The following CDHR1 variants were observed in gnomAD, a reference collection of about 807,000 sequenced individuals.
CDHR1 encodes cadherin-related family member 1.
In CDHR1, 61 loss-of-function variants were observed where a neutral mutation model predicts 72.1. That is an observed-to-expected ratio of 0.85 (90% confidence interval 0.69 to 1.05). The LOEUF (loss-of-function observed/expected upper bound fraction) is 1.05, where lower values mean the gene tolerates loss of function less well. Ranked by LOEUF, CDHR1 falls within the 50% of genes least tolerant of loss-of-function variation. The pLI, the probability that CDHR1 is intolerant of heterozygous loss-of-function variation, is 0.00. For missense variants in CDHR1, 1,186 were observed against 1,115.7 expected (o/e 1.06, Z -0.90); for synonymous variants, 470 against 448.1 (o/e 1.05, Z -0.62).
At position 84,216,278 on chromosome 10, in the gene CDHR1, C is replaced by G; in HGVS notation, c.*1657C>G. On this transcript the variant is annotated 3_prime_UTR_variant, in exon 17 of 17. Transcript: ENST00000623527. ...TCTGAGTCTGTGTTTGGAGGTGTTA[C>G]TGAGATGTGCCAGTGTGCAGAATCC... 1 of 985,500 alleles carries G rather than the reference C, an allele frequency of 1.0e-6. No homozygotes were observed. The highest frequency in any genetic ancestry group is 1.2e-6 in the Non-Finnish European group (1 of 829,994). The allele number at this position is 985,500 out of a possible 1,614,324, so 61.0% of individuals were successfully genotyped here.
At position 84,211,736 on chromosome 10, in the gene CDHR1, G is replaced by C. The variant is rs758532604; in HGVS notation, c.1553+21G>C. 2.5e-6 allele frequency: 4 copies of C among 1,604,432 alleles called. No individual in the cohort carries two copies. In the East Asian group the frequency reaches 8.9e-5, roughly 36 times the overall value. ...GACCTGTAAGTAGATCCAGAATCCA[G>C]GACAGGGCCTTGGGCAAGGGGATTG... On this transcript the variant is annotated intron_variant, in intron 14 of 16. Transcript: ENST00000623527.
At position 84,215,836 on chromosome 10, in the gene CDHR1, C is replaced by T. The variant is rs901521303; in HGVS notation, c.*1215C>T. 2.0e-6 allele frequency: 2 copies of T among 985,418 alleles called. No homozygotes were observed. The highest frequency in any genetic ancestry group is 2.4e-6 in the Non-Finnish European group (2 of 830,032). The allele number at this position is 985,418 out of a possible 1,614,324, so 61.0% of individuals were successfully genotyped here. A position where few individuals can be genotyped will look rare whatever the true frequency, so the allele number is the denominator to read the frequency against. ...GATGGCATTGCCGTGACTCACACAC[C>T]TCTACTTCTGTTCTTCCCTCACTCC... On this transcript the variant is annotated 3_prime_UTR_variant, in exon 17 of 17. Transcript: ENST00000623527.
In CDHR1 at chr10:84,216,295, G is replaced by C; in HGVS notation, c.*1674G>C. ...AGGTGTTACTGAGATGTGCCAGTGT[G>C]CAGAATCCTTGCTGGGGTTTCTACA... is the stretch of plus-strand genomic sequence containing the variant. On this transcript the variant is annotated 3_prime_UTR_variant, in exon 17 of 17. Coordinates refer to ENST00000623527, the MANE Select transcript of CDHR1 (RefSeq NM_033100.4). 1.0e-6 allele frequency: 1 copy of C among 985,504 alleles called. No individual in the cohort carries two copies. Among genetic ancestry groups the C allele is most frequent in the Non-Finnish European group, 1.2e-6 (1 of 829,960 alleles). The allele number at this position is 985,504 out of a possible 1,614,324, so 61.0% of individuals were successfully genotyped here. A position where few individuals can be genotyped will look rare whatever the true frequency, so the allele number is the denominator to read the frequency against.
chr10:84,212,064 A>T, intron 14 of CDHR1, 115 bp from the exon 15 acceptor site: 1 of 906,192 alleles, frequency 1.1e-6, no homozygotes, highest in Non-Finnish European at 1.8e-6. Flanking sequence ...ACTTTGGAGG[A>T]GCTGCATGAC....
In CDHR1 at chr10:84,194,633, CT is replaced by C; in HGVS notation, c.-127del. The C allele has an allele frequency of 1.5e-6, 1 of 658,312 alleles. No homozygotes were observed. Among genetic ancestry groups the C allele is most frequent in the Non-Finnish European group, 2.3e-6 (1 of 438,654 alleles). 40.8% of individuals were successfully genotyped at this position (658,312 alleles called of 1,614,324 possible). ...ACCCGCCGCTCCCGCCCCGTGCCCC[CT>C]CCCGCCGCGGCTGCAGTCGCCGCTA... On this transcript the variant is annotated 5_prime_UTR_variant, in exon 1 of 17. Transcript: ENST00000623527.
chr10:84,218,076 T>C lies in CDHR1; in HGVS notation c.*3455T>C, dbSNP rs1842455133. On this transcript the variant is annotated 3_prime_UTR_variant, in exon 17 of 17. Coordinates refer to ENST00000623527, the MANE Select transcript of CDHR1 (RefSeq NM_033100.4). ...TCCACCTGCCAGGGGTGTTGGCATC[T>C]GTTGACAGGCAGTGGCACATCCTGA... is the stretch of plus-strand genomic sequence containing the variant. 4.1e-6 allele frequency: 4 copies of C among 985,474 alleles called. No homozygotes were observed. Among genetic ancestry groups the C allele is most frequent in the Non-Finnish European group, 4.8e-6 (4 of 829,946 alleles). 61.0% of individuals were successfully genotyped at this position (985,474 alleles called of 1,614,324 possible). A position where few individuals can be genotyped will look rare whatever the true frequency, so the allele number is the denominator to read the frequency against.
intron 13 of CDHR1, 64 bp from the exon 14 acceptor site, chr10:84,211,584 C>A: frequency 7.1e-7 from 1 of 1,416,444 alleles, no homozygotes; most frequent in Non-Finnish European, 1.0e-6. Flanking sequence ...ACCCTCAGGG[C>A]ATGGGAGCTG....
chr10:84,212,994 C>A, intron 15 of CDHR1, 97 bp from the exon 16 acceptor site: 1 of 1,478,600 alleles, frequency 6.8e-7, no homozygotes, highest in Non-Finnish European at 9.4e-7. Context: ...GACCATTTCC[C>A]ATCAACCCAG....
intron 3 of CDHR1, among the ~76,000 whole-genome samples, chr10:84,197,390 G>T (rs1842047465): frequency 6.6e-6 from 1 of 152,184 alleles, no homozygotes; most frequent in African/African-American, 2.4e-5. Flanking sequence ...AGCCTCTGCA[G>T]AGCCCTGGAA....
chr10:84,219,469 G>C, downstream of CDHR1: 2 of 941,638 alleles, frequency 2.1e-6, no homozygotes, highest in Non-Finnish European at 2.9e-6. Flanking sequence ...AGCTTCTTTT[G>C]CTTGGCTTGA....
Position 84,216,106 on chromosome 10 carries a change from A to T in CDHR1, c.*1485A>T. ...AAATAGGTTGTGCCCTGCTTTAAGG[A>T]ACCTGCTATCAGGAAATCTACATGT... On this transcript the variant is annotated 3_prime_UTR_variant, in exon 17 of 17. Coordinates refer to ENST00000623527, the MANE Select transcript of CDHR1 (RefSeq NM_033100.4). 1.0e-6 allele frequency: 1 copy of T among 985,454 alleles called. No individual in the cohort carries two copies. The allele number at this position is 985,454 out of a possible 1,614,324, so 61.0% of individuals were successfully genotyped here.
intron 4 of CDHR1, 82 bp from the exon 5 acceptor site, chr10:84,198,950 A>T (rs994620627): frequency 1.0e-6 from 1 of 1,001,766 alleles, no homozygotes; most frequent in Non-Finnish European, 1.6e-6. Context: ...AGACGTGTAC[A>T]TTGGAGTGAT....
chr10:84,197,279 A>C (rs1240174720), intron 3 of CDHR1, among the ~76,000 whole-genome samples: 1 of 152,140 alleles, frequency 6.6e-6, no homozygotes, highest in Non-Finnish European at 1.5e-5. Flanking sequence ...CTGTGCTGCC[A>C]GTACCCCACT....
intron 4 of CDHR1, 28 bp downstream of exon 4, chr10:84,197,864 G>A: frequency 1.2e-6 from 2 of 1,607,888 alleles, no homozygotes; most frequent in Non-Finnish European, 1.7e-6. Flanking sequence ...GCAGTCCCTG[G>A]CAGCCTGCAG....
Position 84,194,701 on chromosome 10 carries a change from G to A in CDHR1, c.-60G>A, listed in dbSNP as rs1841994641. On this transcript the variant is annotated 5_prime_UTR_variant, in exon 1 of 17. It removes an upstream start codon present in the reference 5' UTR. Transcript: ENST00000623527. Reference sequence around the variant, plus strand: ...TGCCCTCCCCGCGGGCCCAGGGCATGCTCCGTGCCCCTGCGCCCGGTCTCG... The same window carrying A: ...TGCCCTCCCCGCGGGCCCAGGGCATACTCCGTGCCCCTGCGCCCGGTCTCG... 1 of 1,394,998 alleles carries A rather than the reference G, an allele frequency of 7.2e-7. No homozygotes were observed. Among genetic ancestry groups the A allele is most frequent in the Non-Finnish European group, 9.4e-7 (1 of 1,068,754 alleles). 86.4% of individuals were successfully genotyped at this position (1,394,998 alleles called of 1,614,324 possible). A position where few individuals can be genotyped will look rare whatever the true frequency, so the allele number is the denominator to read the frequency against.
At chr10:84,197,960 G>C in intron 4 of CDHR1, 124 bp downstream of exon 4, 2 of 903,710 alleles carry the variant, frequency 2.2e-6, no homozygotes, top group Non-Finnish European at 1.8e-6. Context: ...CTAGGGCCCA[G>C]CAAGACCTGC....
rs772469430 is a variant in CDHR1 at position 84,205,887 on chromosome 10, C to A, written c.923C>A (p.Pro308Gln). Residue 308 changes from proline (P) to glutamine (Q), a missense_variant, in exon 10 of 17, where the codon CCG becomes CAG. Coordinates refer to ENST00000623527, the MANE Select transcript of CDHR1 (RefSeq NM_033100.4). ...TSGAISITQS[P>Q]AQLQREVYEL... ...GGAGCCATCTCCATCACTCAGAGCC[C>A]GGCCCAGCTCCAGAGAGAGGTGTAT... The A allele has an allele frequency of 3.3e-5, 53 of 1,614,070 alleles. 1 individual carries two copies. The South Asian group carries it at 5.3e-4, about 16-fold the overall frequency.
At chr10:84,219,272 C>T (rs1435006227), downstream of CDHR1, 1 of 1,549,990 alleles carries the variant, frequency 6.5e-7, no homozygotes, top group Admixed American at 2.0e-5. Flanking sequence ...GCCCAAGCAT[C>T]TTAAAAAGTA....
chr10:84,218,682 G>T lies in CDHR1; in HGVS notation c.*4061G>T. 1 of 987,350 alleles carries T rather than the reference G, an allele frequency of 1.0e-6. No homozygotes were observed. Among genetic ancestry groups the T allele is most frequent in the Non-Finnish European group, 1.2e-6 (1 of 831,444 alleles). The allele number at this position is 987,350 out of a possible 1,614,324, so 61.2% of individuals were successfully genotyped here. ...ACTCTAAATAAATAAGCTTCTCAAG[G>T]GCATGACAACTATATCGGAAACTGT... is the stretch of plus-strand genomic sequence containing the variant. On this transcript the variant is annotated 3_prime_UTR_variant, in exon 17 of 17. Coordinates refer to ENST00000623527, the MANE Select transcript of CDHR1 (RefSeq NM_033100.4).
Sources: allele counts gnomAD v4.1 joint callset (sites outside exome capture counted in the v4.1 genomes callset), GRCh38; gene constraint gnomAD v4.1.1; transcripts MANE v1.5; gene names NCBI Gene and HGNC (gene_info 2026-07-23, HGNC 2026-07-21).